The following RASAL3 variants were observed in gnomAD, a reference collection of about 807,000 sequenced individuals.
RASAL3 encodes RAS protein activator like 3.
RASAL3 carries 74 observed loss-of-function variants against 105.5 expected under a neutral mutation model. The observed-to-expected ratio is 0.70, with a 90% CI of 0.58 to 0.85. RASAL3 has a LOEUF of 0.85. RASAL3 is among the 40% of genes least tolerant of loss of function. The pLI is 0.00. For missense variants in RASAL3, 1,352 were observed against 1,392.0 expected, an observed-to-expected ratio of 0.97 and a Z score of 0.46; for synonymous variants, 579 against 591.6, an observed-to-expected ratio of 0.98 and a Z score of 0.31.
In RASAL3 at chr19:15,454,175, T is replaced by C; in HGVS notation, c.2253A>G (p.Pro751=). The change falls in exon 14 of 18, where the codon CCA becomes CCG. Residue 751 remains proline, a synonymous_variant. Coordinates refer to ENST00000343625, the MANE Select transcript of RASAL3 (RefSeq NM_022904.3). Reference sequence around the variant, plus strand: ...TGGAGTGGACCTGGGCCGGGGGCAGTGGGAGACGCATTGGCACTGACACAA... The same window carrying C: ...TGGAGTGGACCTGGGCCGGGGGCAGCGGGAGACGCATTGGCACTGACACAA... ...PVLVSVPMRL[P]LPPAQVHSSL... The C allele has an allele frequency of 6.4e-7, 1 of 1,566,084 alleles. No homozygotes were observed. Among genetic ancestry groups the C allele is most frequent in the South Asian group, 1.2e-5 (1 of 84,944 alleles).
intron 7 of RASAL3, 25 bp downstream of exon 7, chr19:15,458,504 A>G: frequency 6.2e-7 from 1 of 1,613,750 alleles, no homozygotes; most frequent in Non-Finnish European, 8.5e-7. Flanking sequence ...CTGAGGTGGA[A>G]TCGAGGTGGA....
In RASAL3 at chr19:15,457,329, G is replaced by T; in HGVS notation, c.1394C>A (p.Ala465Asp). Residue 465 changes from alanine to aspartate, a missense_variant, in exon 9 of 18, where the codon GCC (alanine) becomes GAC (aspartate). Coordinates refer to ENST00000343625, the MANE Select transcript of RASAL3 (RefSeq NM_022904.3). The surrounding 1 kb of genome is among the most constrained non-coding windows in gnomAD (Gnocchi z 8.6). ...GGTGGCCCGCAGCACGCGCACCATG[G>T]CTGCCGCCAGCTCCTCCTTGGCCTG... The part of the protein sequence containing the change: ...PAQAKEELAA[A>D]MVRVLRATGR... 1 of 1,361,760 alleles carries T rather than the reference G, an allele frequency of 7.3e-7. No individual in the cohort carries two copies. The highest frequency in any genetic ancestry group is 3.3e-5 in the East Asian group (1 of 30,758). The allele number at this position is 1,361,760 out of a possible 1,614,324, so 84.4% of individuals were successfully genotyped here. A position where few individuals can be genotyped will look rare whatever the true frequency, so the allele number is the denominator to read the frequency against.
At chr19:15,462,675 G>A (rs575144386) in intron 2 of RASAL3, among the ~76,000 whole-genome samples, 21 of 152,124 alleles carry the variant, frequency 1.4e-4, no homozygotes, top group East Asian at 5.9e-4. Flanking sequence ...GCCTGGGGCC[G>A]GGCGCGGTGG....
rs763992848 is a variant in RASAL3 at position 15,451,940 on chromosome 19, T to C, written c.2893-2A>G. The C allele has an allele frequency of 1.2e-6, 2 of 1,610,716 alleles. No homozygotes were observed. The highest frequency in any genetic ancestry group is 3.3e-5 in the Admixed American group (2 of 59,940). On this transcript the variant is annotated splice_acceptor_variant, in intron 17 of 17. Coordinates refer to ENST00000343625, the MANE Select transcript of RASAL3 (RefSeq NM_022904.3). LOFTEE classifies it high-confidence loss of function. ...CTCCATCTCATTTAGGCGGTGCTCC[T>C]GGGGAGGCAGTGGTGATGGGGTTCA...
In RASAL3 at chr19:15,454,279, T is replaced by G. The variant is rs368990215; in HGVS notation, c.2161-12A>C. Reference sequence around the variant, plus strand: ...GTGTCTCGGGTTGTCTGGTGAGGCATGCAGGACAGAGACTGAGCAAAGTCT... The same window carrying G: ...GTGTCTCGGGTTGTCTGGTGAGGCAGGCAGGACAGAGACTGAGCAAAGTCT... On this transcript the variant is annotated splice_polypyrimidine_tract_variant and intron_variant, in intron 13 of 17. Transcript: ENST00000343625. The G allele has an allele frequency of 1.3e-6, 2 of 1,564,560 alleles. No individual in the cohort carries two copies. Among genetic ancestry groups the G allele is most frequent in the Non-Finnish European group, 1.7e-6 (2 of 1,154,190 alleles).
At position 15,457,320 on chromosome 19, in the gene RASAL3, C is replaced by T; in HGVS notation, c.1403G>A (p.Arg468His). 1 of 1,343,890 alleles carries T rather than the reference C, an allele frequency of 7.4e-7. No homozygotes were observed. Among genetic ancestry groups the T allele is most frequent in the Non-Finnish European group, 9.5e-7 (1 of 1,051,542 alleles). The allele number at this position is 1,343,890 out of a possible 1,614,324, so 83.2% of individuals were successfully genotyped here. A position where few individuals can be genotyped will look rare whatever the true frequency, so the allele number is the denominator to read the frequency against. ...CGCCCGGCCGGTGGCCCGCAGCACG[C>T]GCACCATGGCTGCCGCCAGCTCCTC... ...AKEELAAAMVRVLRATGRAQA... is the reference protein window; with the variant it reads ...AKEELAAAMVHVLRATGRAQA... The change falls in exon 9 of 18, where the codon CGC becomes CAC. Residue 468 changes from arginine to histidine, a missense_variant. Transcript: ENST00000343625. This position sits in a 1 kb window ranked among gnomAD's most constrained non-coding sequence, Gnocchi z 8.6.
At chr19:15,455,365 A>C (rs1316691910) in intron 11 of RASAL3, among the ~76,000 whole-genome samples, 1 of 152,172 alleles carries the variant, frequency 6.6e-6, no homozygotes. Context: ...AAGGGATTGG[A>C]ATCCCAGGTC....
In RASAL3 at chr19:15,457,723, C is replaced by T. The variant is rs1336434338; in HGVS notation, c.1000G>A (p.Gly334Ser). The change falls in exon 9 of 18, where the codon GGC becomes AGC. Residue 334 changes from glycine (G) to serine (S), a missense_variant. By Grantham distance (56) the Gly-to-Ser change is moderately conservative. Transcript: ENST00000343625. The surrounding 1 kb of genome is among the most constrained non-coding windows in gnomAD (Gnocchi z 8.6). ...PGVRAELWLD[G>S]ALLARTAPRA... Reference sequence around the variant, plus strand: ...GGCGCCGTGCGTGCCAGCAGCGCGCCATCCAGCCACAGCTCGGCGCGCACG... The same window carrying T: ...GGCGCCGTGCGTGCCAGCAGCGCGCTATCCAGCCACAGCTCGGCGCGCACG... 6.6e-7 allele frequency: 1 copy of T among 1,521,758 alleles called. No homozygotes were observed. The highest frequency in any genetic ancestry group is 1.4e-5 in the African/African-American group (1 of 70,128). 94.3% of individuals were successfully genotyped at this position (1,521,758 alleles called of 1,614,324 possible).
At position 15,452,095 on chromosome 19, in the gene RASAL3, CAA is replaced by C; in HGVS notation, c.2840_2841del (p.Phe947Ter). 1.2e-6 allele frequency: 2 copies of C among 1,613,870 alleles called. No individual in the cohort carries two copies. Among genetic ancestry groups the C allele is most frequent in the Non-Finnish European group, 1.7e-6 (2 of 1,179,854 alleles). On this transcript the variant is annotated frameshift_variant, in exon 17 of 18. Coordinates refer to ENST00000343625, the MANE Select transcript of RASAL3 (RefSeq NM_022904.3). LOFTEE classifies it high-confidence loss of function. ...DSRLRAGSSE[F>X]DSEHNLTSNE... ...TTGCTTGTTAGGTTGTGCTCTGAATCAAACTCTGAGCTCCTGTGGGGGTCGGG... is the reference window on the plus strand; with the variant it reads ...TTGCTTGTTAGGTTGTGCTCTGAATCACTCTGAGCTCCTGTGGGGGTCGGG...
chr19:15,458,777 C>A, intron 6 of RASAL3, 122 bp from the exon 7 acceptor site: 1 of 1,131,482 alleles, frequency 8.8e-7, no homozygotes, highest in Non-Finnish European at 1.2e-6. Context: ...CTCCCCCGTG[C>A]CCCCCCCACC....
chr19:15,462,557 G>A (rs1970543274), intron 2 of RASAL3, among the ~76,000 whole-genome samples: 1 of 151,982 alleles, frequency 6.6e-6, no homozygotes, highest in East Asian at 1.9e-4. Context: ...CAGGAAATAG[G>A]AGGGCTGAAT....
rs1420880592 is a variant in RASAL3 at position 15,458,585 on chromosome 19, C to T, written c.733G>A (p.Asp245Asn). 27 of 1,613,490 alleles carry T rather than the reference C, an allele frequency of 1.7e-5. No homozygotes were observed. The highest frequency in any genetic ancestry group is 2.1e-5 in the Non-Finnish European group (25 of 1,179,766). The stretch of plus-strand genomic sequence containing the variant: ...GGGTGCAGTGGCCAGATCCGCACAT[C>T]CCGCTCGGCACCCAGGTCCAGTTCA... ...LSELDLGAER[D>N]VRIWPLHPSL... Residue 245 changes from aspartate to asparagine, a missense_variant, in exon 7 of 18, where the codon GAT (aspartate) becomes AAT (asparagine). Physicochemically the swap from Asp to Asn is conservative, Grantham distance 23. Around this residue, in one of 3 missense-constraint regions of RASAL3, gnomAD observed 344 missense variants for 339.6 expected, o/e 1.01. Coordinates refer to ENST00000343625, the MANE Select transcript of RASAL3 (RefSeq NM_022904.3).
rs534519759 is a variant in RASAL3 at position 15,459,534 on chromosome 19, G to A, written c.662+669C>T. 1.2e-4 allele frequency among the ~76,000 whole-genome samples: 18 copies of A among 151,586 alleles called. 1 individual carries two copies. In the South Asian group the frequency reaches 2.5e-3, roughly 21 times the overall value. The stretch of plus-strand genomic sequence containing the variant: ...TGTGGGATTACAGGTGTGAGCCACC[G>A]CACCCAGCCCTATTTATTTTTGAGA... On this transcript the variant is annotated intron_variant, in intron 6 of 17. Transcript: ENST00000343625.
In RASAL3 at chr19:15,452,059, T is replaced by A; in HGVS notation, c.2878A>T (p.Ser960Cys). Residue 960 changes from serine (S) to cysteine (C), a missense_variant, in exon 17 of 18, where the codon AGT becomes TGT. Coordinates refer to ENST00000343625, the MANE Select transcript of RASAL3 (RefSeq NM_022904.3). ...EHNLTSNEGH[S>C]LKNLEHRLNE... ...GGCAATCTCACCAGGTTTTTCAGAC[T>A]GTGCCCTTCATTGCTTGTTAGGTTG... The A allele has an allele frequency of 6.2e-7, 1 of 1,613,948 alleles. No individual in the cohort carries two copies. The highest frequency in any genetic ancestry group is 8.5e-7 in the Non-Finnish European group (1 of 1,179,856).
In RASAL3 at chr19:15,457,293, T is replaced by G. The variant is rs1353604539; in HGVS notation, c.1430A>C (p.Gln477Pro). 7.7e-7 allele frequency: 1 copy of G among 1,292,354 alleles called. No individual in the cohort carries two copies. The highest frequency in any genetic ancestry group is 1.6e-5 in the African/African-American group (1 of 63,518). 80.1% of individuals were successfully genotyped at this position (1,292,354 alleles called of 1,614,324 possible). The change falls in exon 9 of 18, where the codon CAG becomes CCG. Residue 477 changes from glutamine to proline, a missense_variant and splice_region_variant. This residue lies in a region of RASAL3 where 920 missense variants were observed against 919.6 expected (regional missense o/e 1.00). Transcript: ENST00000343625. The surrounding 1 kb of genome is among the most constrained non-coding windows in gnomAD (Gnocchi z 8.6). ...GTCCGCGCTGTCGCGGTGCCGCACC[T>G]GCGCCCGGCCGGTGGCCCGCAGCAC... The part of the protein sequence containing the change: ...VRVLRATGRA[Q>P]ALVTDLGTAE...
intron 6 of RASAL3, 65 bp downstream of exon 6, chr19:15,460,138 C>G: frequency 7.4e-7 from 1 of 1,343,850 alleles, no homozygotes; most frequent in Non-Finnish European, 1.0e-6. Flanking sequence ...GAATGATATG[C>G]AGGAGGTGGA....
chr19:15,461,805 A>C (rs1970520812), intron 2 of RASAL3, among the ~76,000 whole-genome samples, 198 bp from the exon 3 acceptor site: 1 of 151,818 alleles, frequency 6.6e-6, no homozygotes, highest in African/African-American at 2.4e-5. Flanking sequence ...AGCAGACACA[A>C]CTCACCTACC....
chr19:15,453,136 C>G lies in RASAL3; in HGVS notation c.2641G>C (p.Ala881Pro). Reference protein sequence around the residue: ...QMDQPQDRNQALGTHRPVNKL... With the variant: ...QMDQPQDRNQPLGTHRPVNKL... ...TTCACAGGTCGGTGCGTGCCCAGTGCCTGGTTTCGGTCTTGCGGCTGGTCC... is the reference window on the plus strand; with the variant it reads ...TTCACAGGTCGGTGCGTGCCCAGTGGCTGGTTTCGGTCTTGCGGCTGGTCC... Residue 881 changes from alanine to proline, a missense_variant, in exon 15 of 18, where the codon GCA (alanine) becomes CCA (proline). Physicochemically the swap from Ala to Pro is conservative, Grantham distance 27. Around this residue, in one of 3 missense-constraint regions of RASAL3, gnomAD observed 920 missense variants for 919.6 expected, o/e 1.00. Transcript: ENST00000343625. The surrounding 1 kb of genome is among the most constrained non-coding windows in gnomAD (Gnocchi z 4.2). The G allele has an allele frequency of 2.5e-6, 4 of 1,613,758 alleles. No individual in the cohort carries two copies. The highest frequency in any genetic ancestry group is 3.4e-6 in the Non-Finnish European group (4 of 1,179,744).
chr19:15,452,210 A>G (rs1199571364), intron 16 of RASAL3, 102 bp from the exon 17 acceptor site: 1 of 1,165,880 alleles, frequency 8.6e-7, no homozygotes, highest in African/African-American at 1.5e-5. Flanking sequence ...CTTGGAGTGG[A>G]GGCGGAGCTT....
Sources: allele counts gnomAD v4.1 joint callset (sites outside exome capture counted in the v4.1 genomes callset), GRCh38; gene constraint gnomAD v4.1.1; regional missense constraint gnomAD v4.1.1; non-coding constraint Gnocchi (gnomAD v3.1); transcripts MANE v1.5; gene names NCBI Gene and HGNC (gene_info 2026-07-23, HGNC 2026-07-21).